SLC13A2: variants seen among roughly 807,000 people sequenced by gnomAD.
SLC13A2 encodes solute carrier family 13 member 2, also known as Na(+)-coupled citrate transporter.
SLC13A2 carries 40 observed loss-of-function variants against 58.5 expected under a neutral mutation model. That is an observed-to-expected ratio of 0.68 (90% confidence interval 0.53 to 0.89). SLC13A2 has a LOEUF of 0.89. Ranked by LOEUF, SLC13A2 falls within the 40% of genes least tolerant of loss-of-function variation. The pLI, the probability that SLC13A2 is intolerant of heterozygous loss-of-function variation, is 0.00. For missense variants in SLC13A2, 694 were observed against 772.6 expected, an observed-to-expected ratio of 0.90 and a Z score of 1.21; for synonymous variants, 341 against 331.6, an observed-to-expected ratio of 1.03 and a Z score of -0.31.
intron 1 of SLC13A2, among the ~76,000 whole-genome samples, chr17:28,488,169 C>G (rs2068922144): frequency 6.6e-6 from 1 of 152,314 alleles, no homozygotes; most frequent in Admixed American, 6.5e-5. Context: ...CCTCTTCCCC[C>G]AGGCCACCGC....
intron 1 of SLC13A2, among the ~76,000 whole-genome samples, chr17:28,486,001 A>T (rs555858475): frequency 3.7e-4 from 57 of 152,228 alleles, no homozygotes; most frequent in African/African-American, 9.9e-4. Flanking sequence ...TTTAAAAAAA[A>T]TTTTTTTTAA....
intron 1 of SLC13A2, among the ~76,000 whole-genome samples, chr17:28,484,950 G>T (rs140149623): frequency 5.8e-4 from 88 of 152,248 alleles, no homozygotes; most frequent in African/African-American, 2.0e-3. Context: ...TTGGGGGTGG[G>T]GGTGACACCA....
At chr17:28,495,852 C>A (rs781921893) in intron 10 of SLC13A2, 36 bp downstream of exon 10, 14 of 1,595,090 alleles carry the variant, frequency 8.8e-6, no homozygotes, top group Non-Finnish European at 1.0e-5. Context: ...CTCCAGGCAG[C>A]CCGCCTGCCT....
intron 1 of SLC13A2, among the ~76,000 whole-genome samples, chr17:28,484,191 C>G (rs1237341274): frequency 1.3e-5 from 2 of 152,214 alleles, no homozygotes; most frequent in Non-Finnish European, 2.9e-5. Context: ...ATCTTTTAGT[C>G]CCTAAAACTA....
chr17:28,483,129 G>A (rs1312154867), intron 1 of SLC13A2, among the ~76,000 whole-genome samples: 1 of 152,238 alleles, frequency 6.6e-6, no homozygotes, highest in Non-Finnish European at 1.5e-5. Flanking sequence ...GACAGTCACA[G>A]GCTGTACTGT....
Position 28,496,952 on chromosome 17 carries a change from T to C in SLC13A2, c.1609-147T>C. 1 of 777,398 alleles carries C rather than the reference T, an allele frequency of 1.3e-6. No homozygotes were observed. Among genetic ancestry groups the C allele is most frequent in the South Asian group, 1.7e-5 (1 of 58,508 alleles). 48.2% of individuals were successfully genotyped at this position (777,398 alleles called of 1,614,324 possible). A position where few individuals can be genotyped will look rare whatever the true frequency, so the allele number is the denominator to read the frequency against. On this transcript the variant is annotated intron_variant, in intron 11 of 11. Transcript: ENST00000314669. This position sits in a 1 kb window ranked among gnomAD's most constrained non-coding sequence, Gnocchi z 4.2. ...GGAGTAAAGCAAGGGGCAAAGGCAT[T>C]GGCTATGCTGCAGGTTAGACCAACG...
At chr17:28,475,521 A>G (rs2068655803) in intron 1 of SLC13A2, among the ~76,000 whole-genome samples, 1 of 152,200 alleles carries the variant, frequency 6.6e-6, no homozygotes, top group African/African-American at 2.4e-5. Flanking sequence ...TTTCAAGGCC[A>G]CGCTCCTTCC....
intron 9 of SLC13A2, among the ~76,000 whole-genome samples, chr17:28,495,404 A>C (rs553996930): frequency 1.3e-5 from 2 of 152,018 alleles, no homozygotes; most frequent in East Asian, 1.9e-4. Flanking sequence ...CCAAGCCCCA[A>C]ATTTCCCAAG....
At chr17:28,474,683 C>T (rs1210048483) in intron 1 of SLC13A2, among the ~76,000 whole-genome samples, 1 of 152,128 alleles carries the variant, frequency 6.6e-6, no homozygotes, top group Non-Finnish European at 1.5e-5. Context: ...AAGTATTAAT[C>T]TGAAATTAGT....
chr17:28,484,274 C>T (rs1445657352), intron 1 of SLC13A2, among the ~76,000 whole-genome samples: 2 of 152,166 alleles, frequency 1.3e-5, no homozygotes, highest in Non-Finnish European at 2.9e-5. Flanking sequence ...AAAATGGGAA[C>T]TATATCCCCT....
chr17:28,488,830 C>T (rs1245807055), intron 1 of SLC13A2, among the ~76,000 whole-genome samples: 3 of 152,178 alleles, frequency 2.0e-5, no homozygotes, highest in Non-Finnish European at 2.9e-5. Flanking sequence ...AGCCAGGGAA[C>T]GCCAGGGTGC....
intron 6 of SLC13A2, 83 bp downstream of exon 6, chr17:28,491,935 G>A: frequency 1.3e-6 from 2 of 1,534,002 alleles, no homozygotes; most frequent in Non-Finnish European, 1.8e-6. Context: ...TGTGGAAAAT[G>A]ATATTATCAC....
At chr17:28,485,300 A>G (rs575207294) in intron 1 of SLC13A2, among the ~76,000 whole-genome samples, 231 of 152,206 alleles carry the variant, frequency 1.5e-3, no homozygotes, top group Non-Finnish European at 2.8e-3. Context: ...TGTGCAGTGC[A>G]GCAGTCCTGG....
At chr17:28,490,250 G>A (rs981267290) in intron 2 of SLC13A2, 145 of 1,474,624 alleles carry the variant, frequency 9.8e-5, no homozygotes, top group Non-Finnish European at 1.3e-4. Context: ...TTCCAGCCTG[G>A]GCAACAGAGC....
chr17:28,492,003 T>C, intron 6 of SLC13A2, 151 bp downstream of exon 6: 13 of 1,167,252 alleles, frequency 1.1e-5, no homozygotes, highest in Non-Finnish European at 1.4e-5. Flanking sequence ...GGACCCCCAT[T>C]TGAGGAAATT....
At chr17:28,492,108 C>T (rs999706291) in intron 6 of SLC13A2, among the ~76,000 whole-genome samples, 2 of 152,144 alleles carry the variant, frequency 1.3e-5, no homozygotes, top group Non-Finnish European at 2.9e-5. Flanking sequence ...GGCTGCAAAC[C>T]AGGTCACTTG....
At chr17:28,487,368 T>C (rs564741808) in intron 1 of SLC13A2, 40 of 209,158 alleles carry the variant, frequency 1.9e-4, no homozygotes, top group Non-Finnish European at 3.2e-4. Flanking sequence ...ATGTGTGACT[T>C]TGAGGCATTT....
In SLC13A2 at chr17:28,494,063, T is replaced by C. The variant is rs2069089629; in HGVS notation, c.1144T>C (p.Phe382Leu). The C allele has an allele frequency of 6.2e-7, 1 of 1,613,944 alleles. No homozygotes were observed. Among genetic ancestry groups the C allele is most frequent in the Admixed American group, 1.7e-5 (1 of 60,002 alleles). Residue 382 changes from phenylalanine to leucine, a missense_variant, in exon 8 of 12, where the codon TTC becomes CTC. By Grantham distance (22) the Phe-to-Leu change is conservative. Coordinates refer to ENST00000314669, the MANE Select transcript of SLC13A2 (RefSeq NM_003984.4). This position sits in a 1 kb window ranked among gnomAD's most constrained non-coding sequence, Gnocchi z 4.0. ...TVAIFIGIIM[F>L]IIPSKFPGLT... Reference sequence around the variant, plus strand: ...GGCCATCTTCATCGGCATAATTATGTTCATCATACCCTCCAAGTTCCCAGG... The same window carrying C: ...GGCCATCTTCATCGGCATAATTATGCTCATCATACCCTCCAAGTTCCCAGG...
chr17:28,479,613 T>A (rs1288588955), intron 1 of SLC13A2, among the ~76,000 whole-genome samples: 2 of 152,226 alleles, frequency 1.3e-5, no homozygotes, highest in African/African-American at 4.8e-5. Context: ...CAGGACAGAA[T>A]TCAGCTGAAG....
Sources: allele counts gnomAD v4.1 joint callset (sites outside exome capture counted in the v4.1 genomes callset), GRCh38; gene constraint gnomAD v4.1.1; non-coding constraint Gnocchi (gnomAD v3.1); transcripts MANE v1.5; gene names NCBI Gene and HGNC (gene_info 2026-07-23, HGNC 2026-07-21).